Variants in CLEC17A observed in about 807,000 individuals in gnomAD.
The protein encoded by CLEC17A is C-type lectin domain family 17, member A.
CLEC17A carries 37 observed loss-of-function variants against 61.3 expected under a neutral mutation model. That is an observed-to-expected ratio of 0.60 (90% confidence interval 0.46 to 0.79). The LOEUF (loss-of-function observed/expected upper bound fraction) is 0.79. CLEC17A is among the 30% of genes least tolerant of loss of function. CLEC17A has a pLI of 0.00. For missense variants in CLEC17A, 418 were observed against 464.7 expected (o/e 0.90, Z 0.92); for synonymous variants, 168 against 164.9 (o/e 1.02, Z -0.14).
Position 14,600,087 on chromosome 19 carries a change from T to A in CLEC17A, c.799T>A (p.Tyr267Asn). 6.2e-7 allele frequency: 1 copy of A among 1,614,044 alleles called. No individual in the cohort carries two copies. The highest frequency in any genetic ancestry group is 1.1e-5 in the South Asian group (1 of 91,080). ...GWLPFEGKCY[Y>N]FSPSTKSWDE... ...GCTGCCCTTTGAGGGCAAGTGTTAC[T>A]ACTTCTCCCCAAGCACCAAGTCATG... The change falls in exon 12 of 14, where the codon TAC becomes AAC. Residue 267 changes from tyrosine to asparagine, a missense_variant. Transcript: ENST00000417570.
chr19:14,595,746 A>G (rs1405239775), intron 8 of CLEC17A, among the ~76,000 whole-genome samples: 2 of 151,950 alleles, frequency 1.3e-5, no homozygotes, highest in African/African-American at 4.8e-5. Flanking sequence ...GGAGATAGTG[A>G]TGGTGTTGTT....
At chr19:14,594,427 T>C in intron 4 of CLEC17A, 90 bp from the exon 5 acceptor site, 1 of 1,486,016 alleles carries the variant, frequency 6.7e-7, no homozygotes, top group South Asian at 1.2e-5. Flanking sequence ...TCTCCAATCC[T>C]CCACTGCAAT....
Position 14,610,362 on chromosome 19 carries a change from G to A in CLEC17A, c.*166G>A. 6.5e-6 allele frequency: 6 copies of A among 926,672 alleles called. No individual in the cohort carries two copies. Among genetic ancestry groups the A allele is most frequent in the Non-Finnish European group, 9.5e-6 (6 of 629,290 alleles). The allele number at this position is 926,672 out of a possible 1,614,324, so 57.4% of individuals were successfully genotyped here. ...AGTTCCCAGGGGTGCAAGTCAGGCT[G>A]TTTCTAGAGTGAGGACTTGGGCTTG... On this transcript the variant is annotated 3_prime_UTR_variant, in exon 14 of 14. Transcript: ENST00000417570.
At chr19:14,599,954 G>C in intron 11 of CLEC17A, 77 bp from the exon 12 acceptor site, 2 of 1,567,158 alleles carry the variant, frequency 1.3e-6, no homozygotes, top group Non-Finnish European at 1.7e-6. Context: ...TGTACAGCCT[G>C]CACAACTGTA....
intron 12 of CLEC17A, among the ~76,000 whole-genome samples, chr19:14,605,383 A>G (rs1019819828): frequency 2.7e-5 from 4 of 147,912 alleles, no homozygotes; most frequent in Admixed American, 1.4e-4. Context: ...GGCATGAGCC[A>G]CCGCGCCCGG....
At chr19:14,584,617 A>G (rs1361953626) in intron 2 of CLEC17A, among the ~76,000 whole-genome samples, 1 of 152,082 alleles carries the variant, frequency 6.6e-6, no homozygotes, top group Non-Finnish European at 1.5e-5. Flanking sequence ...TGGGAGGTCC[A>G]GAAATATGGT....
upstream of CLEC17A, among the ~76,000 whole-genome samples, chr19:14,582,668 C>T (rs752869002): frequency 6.6e-6 from 1 of 151,588 alleles, no homozygotes; most frequent in Admixed American, 6.6e-5. Flanking sequence ...AGTGCAGTGG[C>T]GTGATCTCGG....
chr19:14,586,941 T>C (rs2074296274), intron 2 of CLEC17A, among the ~76,000 whole-genome samples: 2 of 149,098 alleles, frequency 1.3e-5, no homozygotes, highest in South Asian at 4.6e-4. Flanking sequence ...CAGGCTGGAG[T>C]GCAGTGGCAT....
At chr19:14,594,159 T>C (rs1156666216) in intron 4 of CLEC17A, among the ~76,000 whole-genome samples, 1 of 151,766 alleles carries the variant, frequency 6.6e-6, no homozygotes, top group Non-Finnish European at 1.5e-5. Flanking sequence ...AGCATACGCC[T>C]GTAATCCCAG....
intron 12 of CLEC17A, among the ~76,000 whole-genome samples, chr19:14,602,192 T>A (rs1309877688): frequency 6.6e-6 from 1 of 152,006 alleles, no homozygotes; most frequent in African/African-American, 2.4e-5. Flanking sequence ...TGTCATTATA[T>A]TTAAAATGTT....
At chr19:14,595,861 T>C in intron 8 of CLEC17A, among the ~76,000 whole-genome samples, 1 of 150,396 alleles carries the variant, frequency 6.6e-6, no homozygotes. Context: ...ATGATGAAGG[T>C]AGTGATGGTG....
intron 8 of CLEC17A, 146 bp from the exon 9 acceptor site, chr19:14,596,730 C>T (rs2074560446): frequency 1.1e-6 from 1 of 927,512 alleles, no homozygotes; most frequent in Admixed American, 2.8e-5. Context: ...GTTCACTCTC[C>T]CTAACCCTCT....
chr19:14,582,384 T>C (rs1482338310), upstream of CLEC17A, among the ~76,000 whole-genome samples: 3 of 151,654 alleles, frequency 2.0e-5, no homozygotes, highest in African/African-American at 7.3e-5. Context: ...AGCTAATTTT[T>C]TGTATTTTTA....
At chr19:14,595,354 G>A (rs888303139) in intron 8 of CLEC17A, 39 bp downstream of exon 8, 2 of 1,608,972 alleles carry the variant, frequency 1.2e-6, no homozygotes, top group African/African-American at 2.7e-5. Flanking sequence ...AGTGGCTAGT[G>A]TATCTGATTG....
At position 14,597,298 on chromosome 19, in the gene CLEC17A, A is replaced by G. The variant is rs956957283; in HGVS notation, c.646+137A>G. 1.3e-5 allele frequency: 10 copies of G among 754,958 alleles called. No homozygotes were observed. In the African/African-American group the frequency reaches 1.4e-4, roughly 10 times the overall value. 46.8% of individuals were successfully genotyped at this position (754,958 alleles called of 1,614,324 possible). A position where few individuals can be genotyped will look rare whatever the true frequency, so the allele number is the denominator to read the frequency against. On this transcript the variant is annotated intron_variant, in intron 10 of 13. Transcript: ENST00000417570. ...GTACCAGGGGGTTAAAATGGTAAAC[A>G]TGTCAGACACAGTCTTTGTCTGACT... is the stretch of plus-strand genomic sequence containing the variant.
At chr19:14,595,243 C>A in intron 7 of CLEC17A, 31 bp from the exon 8 acceptor site, 1 of 1,613,446 alleles carries the variant, frequency 6.2e-7, no homozygotes, top group Non-Finnish European at 8.5e-7. Flanking sequence ...TTGGCATCTT[C>A]TGAATAAACC....
Position 14,583,092 on chromosome 19 carries a change from G to C in CLEC17A, c.-69G>C, listed in dbSNP as rs2074202427. 3 of 1,563,722 alleles carry C rather than the reference G, an allele frequency of 1.9e-6. No individual in the cohort carries two copies. The African/African-American group carries it at 4.1e-5, about 21-fold the overall frequency. The stretch of plus-strand genomic sequence containing the variant: ...GAACTGAGAGAGCCCCCAGACGCCT[G>C]AGTCGGAGAGACAGGGGGCAGAGGT... On this transcript the variant is annotated 5_prime_UTR_variant, in exon 1 of 14. Coordinates refer to ENST00000417570, the MANE Select transcript of CLEC17A (RefSeq NM_001204118.2).
upstream of CLEC17A, among the ~76,000 whole-genome samples, chr19:14,582,009 A>G (rs2074187646): frequency 6.6e-6 from 1 of 152,150 alleles, no homozygotes; most frequent in Non-Finnish European, 1.5e-5. Context: ...GCTGAAACCC[A>G]GGTGTTCATG....
rs1321976830 is a variant in CLEC17A, at chr19:14,594,665, A to C, written c.344A>C (p.Lys115Thr). The C allele has an allele frequency of 6.2e-7, 1 of 1,613,956 alleles. No individual in the cohort carries two copies. Among genetic ancestry groups the C allele is most frequent in the Admixed American group, 1.7e-5 (1 of 60,008 alleles). ...ACAGAGAAACCCCCACTTCCTTGCA[A>C]GCCCCGGAACATGACAGGTGAGAGC... is the stretch of plus-strand genomic sequence containing the variant. Reference protein sequence around the residue: ...KETEKPPLPCKPRNMTGLDLA... With the variant: ...KETEKPPLPCTPRNMTGLDLA... Residue 115 changes from lysine to threonine, a missense_variant, in exon 6 of 14, where the codon AAG becomes ACG. By Grantham distance (78) the Lys-to-Thr change is moderately conservative. Transcript: ENST00000417570.
Sources: gnomAD v4.1 joint callset for allele counts (sites outside exome capture counted in the v4.1 genomes callset) on GRCh38, gnomAD v4.1.1 for gene constraint, MANE v1.5 for transcripts, NCBI Gene and HGNC (gene_info 2026-07-23, HGNC 2026-07-21) for gene names.